Variants in KDM5A observed in about 807,000 individuals in gnomAD.
KDM5A encodes lysine-specific demethylase 5A.
A neutral mutation model predicts 193.5 loss-of-function variants in KDM5A; 42 were observed. That is an observed-to-expected ratio of 0.22 (90% CI 0.17 to 0.28). The LOEUF (loss-of-function observed/expected upper bound fraction) is 0.28, where lower values mean the gene tolerates loss of function less well. Among genes scored for constraint, KDM5A ranks in the 10% least tolerant of loss-of-function variants. The pLI, the probability that KDM5A is intolerant of heterozygous loss-of-function variation, is 1.00. For missense variants in KDM5A, 1,692 were observed against 2,055.1 expected (o/e 0.82, Z 3.42); for synonymous variants, 796 against 718.1 (o/e 1.11, Z -1.73).
chr12:305,343 A>G (rs1341498640), intron 24 of KDM5A, among the ~76,000 whole-genome samples: 4 of 152,218 alleles, frequency 2.6e-5, no homozygotes, highest in Non-Finnish European at 1.5e-5. Context: ...TCTTTAAGTC[A>G]CATAACTGAA....
At chr12:361,598 G>C (rs1296898848) in intron 5 of KDM5A, among the ~76,000 whole-genome samples, 1 of 152,162 alleles carries the variant, frequency 6.6e-6, no homozygotes, top group East Asian at 1.9e-4. Flanking sequence ...GCTGGTGATT[G>C]GTTAGATGGA....
At chr12:373,214 T>C (rs1226839018) in intron 3 of KDM5A, among the ~76,000 whole-genome samples, 10 of 152,216 alleles carry the variant, frequency 6.6e-5, no homozygotes, top group Admixed American at 5.2e-4. Context: ...TGTGAATCTA[T>C]CTGGTCCTGG....
rs55699625 is a variant in KDM5A, at chr12:347,129, A to G, written c.1308+3492T>C. Reference sequence around the variant, plus strand: ...CATTCTTATATATCATTAACAGACAAACAGCCAAATCATGAGTGAACTCCC... The same window carrying G: ...CATTCTTATATATCATTAACAGACAGACAGCCAAATCATGAGTGAACTCCC... On this transcript the variant is annotated intron_variant, in intron 10 of 27. Transcript: ENST00000399788. Among the ~76,000 whole-genome samples the G allele has an allele frequency of 9.2e-3, 1,393 of 151,796 alleles. 20 individuals are homozygous for G. The highest frequency in any genetic ancestry group is 0.014 in the Non-Finnish European group (922 of 67,816).
chr12:383,432 G>A (rs1425068664), intron 3 of KDM5A, among the ~76,000 whole-genome samples: 1 of 151,954 alleles, frequency 6.6e-6, no homozygotes, highest in Non-Finnish European at 1.5e-5. Flanking sequence ...GCCTGGGCTA[G>A]TCTCTAACTC....
Position 283,810 on chromosome 12 carries a change from ATTTTTT to A in KDM5A, c.*1640_*1645del. 5.0e-6 allele frequency: 1 copy of A among 201,470 alleles called. No homozygotes were observed. Among genetic ancestry groups the A allele is most frequent in the Non-Finnish European group, 1.0e-5 (1 of 99,276 alleles). The allele number at this position is 201,470 out of a possible 1,614,324, so 12.5% of individuals were successfully genotyped here. On this transcript the variant is annotated 3_prime_UTR_variant, in exon 28 of 28. Transcript: ENST00000399788. Reference sequence around the variant, plus strand: ...TGATGACAAAACACTATTTTTAGTCATTTTTTTTTTTGTCCTTTAAAAAAAAATTAG... The same window carrying A: ...TGATGACAAAACACTATTTTTAGTCATTTTTGTCCTTTAAAAAAAAATTAG...
intron 5 of KDM5A, among the ~76,000 whole-genome samples, chr12:357,872 CCCTT>C (rs1944246896): frequency 7.0e-6 from 1 of 143,518 alleles, no homozygotes; most frequent in Non-Finnish European, 1.5e-5. Context: ...TGCCCCAATT[CCCTT>C]CCTTCCTGCT....
At chr12:328,806 A>C in intron 14 of KDM5A, 29 bp downstream of exon 14, 1 of 1,607,600 alleles carries the variant, frequency 6.2e-7, no homozygotes, top group Non-Finnish European at 8.5e-7. Flanking sequence ...AGCAGTATCA[A>C]ACATAGAAAA....
intron 10 of KDM5A, among the ~76,000 whole-genome samples, chr12:345,732 CA>C (rs1944064014): frequency 6.6e-6 from 1 of 152,128 alleles, no homozygotes. Context: ...AACAAAAACA[CA>C]ACATACCAGA....
chr12:347,711 T>C (rs1944096597), intron 10 of KDM5A, among the ~76,000 whole-genome samples: 1 of 152,208 alleles, frequency 6.6e-6, no homozygotes, highest in African/African-American at 2.4e-5. Flanking sequence ...GCTAGCCACA[T>C]GTAGAAAGCT....
intron 24 of KDM5A, among the ~76,000 whole-genome samples, chr12:304,411 C>T (rs1943478926): frequency 6.7e-6 from 1 of 148,512 alleles, no homozygotes; most frequent in Admixed American, 6.7e-5. Flanking sequence ...ATACAATTAT[C>T]GCTTGCTCTG....
At chr12:290,351 C>T (rs892453849) in intron 27 of KDM5A, among the ~76,000 whole-genome samples, 10 of 152,062 alleles carry the variant, frequency 6.6e-5, no homozygotes, top group Admixed American at 2.0e-4. Flanking sequence ...CTGCTTAAAA[C>T]GAAACACGTT....
chr12:319,732 T>C (rs1418314597), intron 18 of KDM5A, among the ~76,000 whole-genome samples: 2 of 151,760 alleles, frequency 1.3e-5, no homozygotes, highest in East Asian at 3.9e-4. Context: ...GCAGCCTGGA[T>C]GACAGAGCCA....
intron 9 of KDM5A, among the ~76,000 whole-genome samples, chr12:351,504 A>G (rs569167030): frequency 5.3e-5 from 8 of 152,268 alleles, no homozygotes; most frequent in Admixed American, 4.6e-4. Flanking sequence ...GCAACACTAG[A>G]TTTTAATAAC....
intron 3 of KDM5A, among the ~76,000 whole-genome samples, chr12:374,899 T>C (rs546112784): frequency 7.4e-4 from 112 of 152,326 alleles, no homozygotes; most frequent in African/African-American, 2.6e-3. Context: ...TGTTGAACAT[T>C]GGCCCCCACT....
intron 14 of KDM5A, among the ~76,000 whole-genome samples, chr12:325,797 T>C (rs1277405484): frequency 1.3e-5 from 2 of 152,178 alleles, no homozygotes; most frequent in African/African-American, 4.8e-5. Flanking sequence ...GCAGATAACC[T>C]GAGGTCAGGA....
At position 307,898 on chromosome 12, in the gene KDM5A, T is replaced by C; in HGVS notation, c.3486A>G (p.Lys1162=). ...TGGCTGTCTTGCGGCAAATGCAAAA[T>C]TTTACTTCTTCTATGCGGTCCACCA... ...MTMVDRIEEV[K]FCICRKTASG... The change falls in exon 23 of 28, where the codon AAA becomes AAG. Residue 1162 remains lysine (K), a synonymous_variant. Transcript: ENST00000399788. The surrounding 1 kb of genome is among the most constrained non-coding windows in gnomAD (Gnocchi z 4.3). 1 of 1,614,078 alleles carries C rather than the reference T, an allele frequency of 6.2e-7. No homozygotes were observed. The highest frequency in any genetic ancestry group is 8.5e-7 in the Non-Finnish European group (1 of 1,179,992).
At chr12:349,536 G>T (rs1944123419) in intron 10 of KDM5A, among the ~76,000 whole-genome samples, 1 of 149,376 alleles carries the variant, frequency 6.7e-6, no homozygotes, top group Admixed American at 6.7e-5. Flanking sequence ...CACCATCTTG[G>T]CCAGGCTGGT....
chr12:335,734 CTG>C (rs1312747384), intron 10 of KDM5A, among the ~76,000 whole-genome samples: 1 of 152,042 alleles, frequency 6.6e-6, no homozygotes, highest in African/African-American at 2.4e-5. Flanking sequence ...AACTATCAAA[CTG>C]TAATTAAGAG....
chr12:386,279 T>C (rs559204489), intron 1 of KDM5A, among the ~76,000 whole-genome samples: 59 of 152,216 alleles, frequency 3.9e-4, no homozygotes, highest in Non-Finnish European at 6.9e-4. Context: ...AAATACAAAA[T>C]TCTTTTGTTT....
Sources: gnomAD v4.1 joint callset for allele counts (sites outside exome capture counted in the v4.1 genomes callset) on GRCh38, gnomAD v4.1.1 for gene constraint, Gnocchi (gnomAD v3.1) non-coding constraint, MANE v1.5 for transcripts, NCBI Gene and HGNC (gene_info 2026-07-23, HGNC 2026-07-21) for gene names.